The following FAT1 variants were observed in gnomAD, a reference collection of about 807,000 sequenced individuals.
The protein encoded by FAT1 is FAT atypical cadherin 1.
Under a neutral mutation model 329.8 loss-of-function variants are expected in FAT1, and 171 were observed. The observed-to-expected ratio is 0.52, with a 90% CI of 0.46 to 0.59. The LOEUF (loss-of-function observed/expected upper bound fraction) is 0.59, where lower values mean the gene tolerates loss of function less well. FAT1 is among the 20% of genes least tolerant of loss of function. The pLI is 0.00. For missense variants in FAT1, 5,672 were observed against 5,774.4 expected (o/e 0.98, Z 0.57); for synonymous variants, 2,233 against 2,228.6 (o/e 1.00, Z -0.06).
intron 2 of FAT1, among the ~76,000 whole-genome samples, chr4:186,679,416 CAAAAA>C (rs1169141587): frequency 2.0e-5 from 1 of 50,308 alleles, no homozygotes; most frequent in Non-Finnish European, 4.2e-5. Context: ...GACTCTGTCT[CAAAAA>C]AAAAAAAAAA....
At chr4:186,627,664 G>T (rs193288514) in intron 9 of FAT1, among the ~76,000 whole-genome samples, 3 of 152,238 alleles carry the variant, frequency 2.0e-5, no homozygotes, top group Admixed American at 6.5e-5. Context: ...GGAAGGGGTG[G>T]GAGGGGCACG....
chr4:186,663,676 A>C, intron 2 of FAT1, 63 bp from the exon 3 acceptor site: 1 of 1,336,628 alleles, frequency 7.5e-7, no homozygotes, highest in Non-Finnish European at 1.0e-6. Flanking sequence ...AGCTTCAGAA[A>C]GTGTCAACAA....
chr4:186,664,593 C>T (rs770129002), intron 2 of FAT1, among the ~76,000 whole-genome samples: 3 of 152,196 alleles, frequency 2.0e-5, no homozygotes, highest in Non-Finnish European at 4.4e-5. Context: ...GGTCCAGCCA[C>T]TGAAACCAGT....
intron 7 of FAT1, among the ~76,000 whole-genome samples, chr4:186,629,590 G>A (rs984977464): frequency 5.3e-5 from 8 of 152,156 alleles, no homozygotes; most frequent in African/African-American, 9.7e-5. Context: ...AGAAAACTGC[G>A]CTTCGTGGGG....
chr4:186,663,634 C>A lies in FAT1; in HGVS notation c.3266-21G>T, dbSNP rs746153102. 2.5e-6 allele frequency: 4 copies of A among 1,571,800 alleles called. No individual in the cohort carries two copies. In the South Asian group the frequency reaches 4.5e-5, roughly 18 times the overall value. ...GACACCTACAGAGAAAAAAGAAAAG[C>A]GTAAAGCAGCACATCAACGACCAAA... is the stretch of plus-strand genomic sequence containing the variant. On this transcript the variant is annotated intron_variant, in intron 2 of 26. Coordinates refer to ENST00000441802, the MANE Select transcript of FAT1 (RefSeq NM_005245.4).
At chr4:186,594,614 C>A (rs897069228) in intron 26 of FAT1, among the ~76,000 whole-genome samples, 2 of 140,876 alleles carry the variant, frequency 1.4e-5, no homozygotes, top group Admixed American at 1.4e-4. Flanking sequence ...ACCATATATA[C>A]GGTATCAAAA....
intron 2 of FAT1, among the ~76,000 whole-genome samples, chr4:186,675,110 A>G (rs1007818915): frequency 5.9e-5 from 9 of 152,212 alleles, no homozygotes; most frequent in African/African-American, 1.9e-4. Flanking sequence ...GGTATATGGC[A>G]TTATACTAAC....
At chr4:186,718,793 G>A (rs543557541) in intron 1 of FAT1, among the ~76,000 whole-genome samples, 44 of 151,836 alleles carry the variant, frequency 2.9e-4, no homozygotes, top group Middle Eastern at 3.4e-3. Flanking sequence ...TCACAGCACC[G>A]CCCTGGCTTC....
At chr4:186,690,626 G>C (rs1743709512) in intron 2 of FAT1, among the ~76,000 whole-genome samples, 1 of 151,990 alleles carries the variant, frequency 6.6e-6, no homozygotes, top group African/African-American at 2.4e-5. Flanking sequence ...GAACCCAGGA[G>C]TTGCAGTGAG....
intron 7 of FAT1, among the ~76,000 whole-genome samples, chr4:186,629,010 T>C (rs897998031): frequency 2.0e-5 from 3 of 152,224 alleles, no homozygotes; most frequent in East Asian, 3.9e-4. Context: ...GGACAAAATA[T>C]GTATTGATTT....
At chr4:186,720,696 C>T (rs543103693) in intron 1 of FAT1, among the ~76,000 whole-genome samples, 2 of 152,278 alleles carry the variant, frequency 1.3e-5, no homozygotes, top group Admixed American at 6.5e-5. Flanking sequence ...CTACGAGCTG[C>T]TTGAGGGCAG....
At chr4:186,655,374 G>A (rs1235026868) in intron 3 of FAT1, among the ~76,000 whole-genome samples, 1 of 151,894 alleles carries the variant, frequency 6.6e-6, no homozygotes, top group East Asian at 1.9e-4. Flanking sequence ...ACAGTGAAAG[G>A]TACATGGATA....
intron 6 of FAT1, among the ~76,000 whole-genome samples, chr4:186,635,738 C>A (rs1294710089): frequency 6.6e-6 from 1 of 152,116 alleles, no homozygotes; most frequent in African/African-American, 2.4e-5. Flanking sequence ...GCTTCTGGAC[C>A]AAAACATTCA....
At chr4:186,615,061 C>T (rs772264757) in intron 11 of FAT1, among the ~76,000 whole-genome samples, 19 of 151,658 alleles carry the variant, frequency 1.3e-4, no homozygotes, top group African/African-American at 3.4e-4. Flanking sequence ...GAAGTACTCA[C>T]GGAAAAGTAC....
At chr4:186,634,210 A>G (rs1740720700) in intron 6 of FAT1, among the ~76,000 whole-genome samples, 1 of 152,222 alleles carries the variant, frequency 6.6e-6, no homozygotes, top group Non-Finnish European at 1.5e-5. Context: ...TGATACTTTG[A>G]GCAAATTGAC....
At chr4:186,655,291 C>T (rs1741849966) in intron 3 of FAT1, among the ~76,000 whole-genome samples, 1 of 151,954 alleles carries the variant, frequency 6.6e-6, no homozygotes, top group African/African-American at 2.4e-5. Flanking sequence ...TATTTGTTCT[C>T]AAAGAGGAAG....
intron 3 of FAT1, among the ~76,000 whole-genome samples, chr4:186,651,337 A>T (rs1741647544): frequency 6.6e-6 from 1 of 152,074 alleles, no homozygotes; most frequent in African/African-American, 2.4e-5. Context: ...AAAGCTGTGT[A>T]TGTGACTTAG....
In FAT1 at chr4:186,716,858, A is replaced by C. The variant is rs555076506; in HGVS notation, c.-19+6806T>G. ...GAGCACAGCGGTGCAATCGTGGCTC[A>C]CTGCAACCTCTGCCTTCTGGGTTCA... On this transcript the variant is annotated intron_variant, in intron 1 of 26. Coordinates refer to ENST00000441802, the MANE Select transcript of FAT1 (RefSeq NM_005245.4). Among the ~76,000 whole-genome samples the C allele has an allele frequency of 1.1e-3, 164 of 152,308 alleles. 1 individual carries two copies. The highest frequency in any genetic ancestry group is 0.01 in the Middle Eastern group (3 of 294).
chr4:186,616,387 C>G (rs910757770), intron 11 of FAT1, among the ~76,000 whole-genome samples: 5 of 152,092 alleles, frequency 3.3e-5, no homozygotes, highest in African/African-American at 9.7e-5. Flanking sequence ...CCTCACACTC[C>G]ATGGCCCCTC....
Sources: gnomAD v4.1 joint callset for allele counts (sites outside exome capture counted in the v4.1 genomes callset) on GRCh38, gnomAD v4.1.1 for gene constraint, MANE v1.5 for transcripts, NCBI Gene and HGNC (gene_info 2026-07-23, HGNC 2026-07-21) for gene names.